SMOC1: variants seen among roughly 807,000 people sequenced by gnomAD.
SMOC1 encodes SPARC related modular calcium binding 1.
Under a neutral mutation model 56.3 loss-of-function variants are expected in SMOC1, and 22 were observed. The ratio of observed to expected loss-of-function variants is 0.39; its 90% confidence interval spans 0.28 to 0.56. The LOEUF is 0.56. SMOC1 is among the 20% of genes least tolerant of loss of function. The pLI, the probability that SMOC1 is intolerant of heterozygous loss-of-function variation, is 0.61. For synonymous variants in SMOC1, 193 were observed against 215.0 expected, an observed-to-expected ratio of 0.90 and a Z score of 0.89; for missense variants, 509 against 565.4, an observed-to-expected ratio of 0.90 and a Z score of 1.01.
In SMOC1 at chr14:69,950,179, C is replaced by T. The variant is rs922954040; in HGVS notation, c.100-1959C>T. ...AATTTCACTGTCCATTTGGACAAGG[C>T]CTGTGCAGTGGTTTCAGCCCTCAGC... On this transcript the variant is annotated intron_variant, in intron 1 of 11. Coordinates refer to ENST00000361956, the MANE Select transcript of SMOC1 (RefSeq NM_001034852.3). Among the ~76,000 whole-genome samples the T allele has an allele frequency of 1.2e-4, 19 of 152,190 alleles. 1 individual carries two copies. The highest frequency in any genetic ancestry group is 2.1e-4 in the Non-Finnish European group (14 of 68,032).
At chr14:69,885,700 CACCAAGGTGGTGACAGTGTTA>C in intron 1 of SMOC1, 1 of 1,454,138 alleles carries the variant, frequency 6.9e-7, no homozygotes, top group Non-Finnish European at 9.6e-7. Flanking sequence ...TCTTGTTCTC[CACCAAGGTGGTGACAGTGTTA>C]ACTCCTGCTC....
chr14:69,913,860 T>A (rs906919305), intron 1 of SMOC1, among the ~76,000 whole-genome samples: 1 of 152,218 alleles, frequency 6.6e-6, no homozygotes, highest in Non-Finnish European at 1.5e-5. Flanking sequence ...TGTTTCCTTA[T>A]CTCCTTGGCT....
chr14:70,016,571 G>A (rs1885520931), intron 10 of SMOC1, among the ~76,000 whole-genome samples: 1 of 152,228 alleles, frequency 6.6e-6, no homozygotes. Context: ...TACCAGTGTA[G>A]TAACAGGGTT....
chr14:70,027,241 C>T (rs537564314), intron 11 of SMOC1, among the ~76,000 whole-genome samples: 2 of 152,242 alleles, frequency 1.3e-5, no homozygotes, highest in Non-Finnish European at 2.9e-5. Flanking sequence ...GGTACCACCA[C>T]TGCTGGCGCT....
At position 70,031,820 on chromosome 14, in the gene SMOC1, T is replaced by C. The variant is rs1566718683; in HGVS notation, c.*1562T>C. 6.6e-6 allele frequency: 1 copy of C among 152,462 alleles called. No individual in the cohort carries two copies. Among genetic ancestry groups the C allele is most frequent in the Non-Finnish European group, 1.5e-5 (1 of 68,240 alleles). 9.4% of individuals were successfully genotyped at this position (152,462 alleles called of 1,614,324 possible). The stretch of plus-strand genomic sequence containing the variant: ...TGTGGTGGCAGTGAGGGAGGTTGGG[T>C]AGCCCTGGACTGGTCCCCTCCTCAG... On this transcript the variant is annotated 3_prime_UTR_variant, in exon 12 of 12. Coordinates refer to ENST00000361956, the MANE Select transcript of SMOC1 (RefSeq NM_001034852.3).
intron 5 of SMOC1, among the ~76,000 whole-genome samples, chr14:69,980,132 A>G (rs1403166824): frequency 6.6e-6 from 1 of 152,158 alleles, no homozygotes; most frequent in Non-Finnish European, 1.5e-5. Flanking sequence ...TCCCTTTTAC[A>G]GTCAAGCAGT....
chr14:69,959,806 G>A (rs1369743288), intron 3 of SMOC1, among the ~76,000 whole-genome samples: 1 of 152,116 alleles, frequency 6.6e-6, no homozygotes, highest in South Asian at 2.1e-4. Context: ...AAAATGTTCT[G>A]TGGCTTTTTG....
intron 1 of SMOC1, among the ~76,000 whole-genome samples, chr14:69,887,287 C>T (rs1883835896): frequency 6.6e-6 from 1 of 152,064 alleles, no homozygotes; most frequent in African/African-American, 2.4e-5. Context: ...ACAGCTACAA[C>T]AAAATGCTAT....
At chr14:70,013,766 T>C (rs1885415805) in intron 10 of SMOC1, among the ~76,000 whole-genome samples, 1 of 152,208 alleles carries the variant, frequency 6.6e-6, no homozygotes, top group Admixed American at 6.5e-5. Context: ...CTTCCAGCTG[T>C]TTAATCTCAG....
At chr14:70,028,756 C>T (rs1886026095) in intron 11 of SMOC1, among the ~76,000 whole-genome samples, 1 of 152,220 alleles carries the variant, frequency 6.6e-6, no homozygotes, top group Admixed American at 6.5e-5. Context: ...CCGCTTCCCA[C>T]CTGCCTGCCT....
At chr14:70,021,266 G>A (rs947562942) in intron 10 of SMOC1, among the ~76,000 whole-genome samples, 2 of 152,156 alleles carry the variant, frequency 1.3e-5, no homozygotes, top group African/African-American at 4.8e-5. Flanking sequence ...GGACAGGCAG[G>A]TCACTCCCCT....
chr14:69,981,520 G>T (rs1055581585), intron 5 of SMOC1, among the ~76,000 whole-genome samples: 1 of 152,110 alleles, frequency 6.6e-6, no homozygotes, highest in African/African-American at 2.4e-5. Flanking sequence ...AGAGAGACGT[G>T]TGTGTGTTGT....
In SMOC1 at chr14:69,952,267, C is replaced by T; in HGVS notation, c.229C>T (p.Pro77Ser). ...GTACCAGCGAGCCAAGTGCCGAGAC[C>T]CGACCCTGGGCGTGGTGCATCGAGG... is the stretch of plus-strand genomic sequence containing the variant. Reference protein sequence around the residue: ...CEYQRAKCRDPTLGVVHRGRC... With the variant: ...CEYQRAKCRDSTLGVVHRGRC... Residue 77 changes from proline to serine, a missense_variant, in exon 2 of 12, where the codon CCG (proline) becomes TCG (serine). Transcript: ENST00000361956. 1 of 1,614,178 alleles carries T rather than the reference C, an allele frequency of 6.2e-7. No individual in the cohort carries two copies. Among genetic ancestry groups the T allele is most frequent in the Non-Finnish European group, 8.5e-7 (1 of 1,180,028 alleles).
At chr14:69,892,983 C>T (rs564200223) in intron 1 of SMOC1, among the ~76,000 whole-genome samples, 1 of 152,296 alleles carries the variant, frequency 6.6e-6, no homozygotes, top group Non-Finnish European at 1.5e-5. Flanking sequence ...CTCTTTTAAT[C>T]TATGAGTTTC....
At chr14:69,994,271 A>T in intron 6 of SMOC1, 129 bp from the exon 7 acceptor site, 2 of 796,640 alleles carry the variant, frequency 2.5e-6, no homozygotes, top group Non-Finnish European at 4.5e-6. Context: ...GGAGGAGTGG[A>T]TGTGGGAGAG....
intron 5 of SMOC1, among the ~76,000 whole-genome samples, chr14:69,979,349 G>T (rs1884092882): frequency 6.6e-6 from 1 of 152,116 alleles, no homozygotes; most frequent in Admixed American, 6.5e-5. Flanking sequence ...AGAAAACAGG[G>T]ACCAATGGGC....
chr14:69,895,437 T>C (rs59997769), intron 1 of SMOC1, among the ~76,000 whole-genome samples: 15,125 of 152,230 alleles, frequency 0.099, 916 homozygotes, highest in African/African-American at 0.17. Flanking sequence ...CCCAACTGAA[T>C]GGCAAATGCT....
chr14:69,994,561 G>C, intron 7 of SMOC1, 81 bp downstream of exon 7: 1 of 1,136,260 alleles, frequency 8.8e-7, no homozygotes, highest in South Asian at 1.2e-5. Flanking sequence ...TATTGTGTGG[G>C]TTTGGAAAAA....
chr14:69,927,313 A>G (rs541301031), intron 1 of SMOC1, among the ~76,000 whole-genome samples: 22 of 152,364 alleles, frequency 1.4e-4, no homozygotes, highest in African/African-American at 5.3e-4. Flanking sequence ...GGGGCCTACA[A>G]GTGCTGGACA....
Sources: allele counts gnomAD v4.1 joint callset (sites outside exome capture counted in the v4.1 genomes callset), GRCh38; gene constraint gnomAD v4.1.1; transcripts MANE v1.5; gene names NCBI Gene and HGNC (gene_info 2026-07-23, HGNC 2026-07-21).